DOCK10: variants seen among roughly 807,000 people sequenced by gnomAD.
The protein encoded by DOCK10 is dedicator of cytokinesis 10.
Under a neutral mutation model 280.1 loss-of-function variants are expected in DOCK10, and 145 were observed. The observed-to-expected ratio is 0.52, with a 90% CI of 0.45 to 0.59. DOCK10 has a LOEUF of 0.59. Ranked by LOEUF, DOCK10 falls within the 20% of genes least tolerant of loss-of-function variation. The pLI is 0.00. For missense variants in DOCK10, 2,368 were observed against 2,651.7 expected, an observed-to-expected ratio of 0.89 and a Z score of 2.35; for synonymous variants, 915 against 942.2, an observed-to-expected ratio of 0.97 and a Z score of 0.53.
rs142616148 is a variant in DOCK10, at chr2:224,765,679, T to C, written c.*42A>G. The C allele has an allele frequency of 4.9e-3, 6,710 of 1,362,454 alleles. 27 individuals carry two copies. Among genetic ancestry groups the C allele is most frequent in the Middle Eastern group, 7.5e-3 (41 of 5,474 alleles). The allele number at this position is 1,362,454 out of a possible 1,614,324, so 84.4% of individuals were successfully genotyped here. A position where few individuals can be genotyped will look rare whatever the true frequency, so the allele number is the denominator to read the frequency against. ...CTCTTCCCCGAGATTAGCTGCAAAT[T>C]CAGAAAGTTCTCTTAGAGGTGGGTC... On this transcript the variant is annotated 3_prime_UTR_variant, in exon 56 of 56. Coordinates refer to ENST00000258390, the MANE Select transcript of DOCK10 (RefSeq NM_014689.3).
chr2:224,904,924 C>A (rs1437356657), intron 3 of DOCK10, among the ~76,000 whole-genome samples: 4 of 152,130 alleles, frequency 2.6e-5, no homozygotes, highest in African/African-American at 7.2e-5. Context: ...AGATATATTT[C>A]TTTCAGTTAA....
chr2:224,843,538 A>T (rs531331558), intron 22 of DOCK10, among the ~76,000 whole-genome samples: 1 of 152,244 alleles, frequency 6.6e-6, no homozygotes, highest in East Asian at 1.9e-4. Context: ...AGTCAATTGG[A>T]CTTGAAGCCT....
chr2:224,942,204 T>C (rs954615126), intron 1 of DOCK10, among the ~76,000 whole-genome samples: 2 of 152,204 alleles, frequency 1.3e-5, no homozygotes, highest in Non-Finnish European at 2.9e-5. Context: ...CCCATTTCCA[T>C]TTTGGAAGCA....
chr2:224,862,147 CA>C (rs1697545659), intron 14 of DOCK10: 1 of 152,542 alleles, frequency 6.6e-6, no homozygotes, highest in Non-Finnish European at 1.5e-5. Context: ...CTTTCAGAGG[CA>C]ACTGGTACTG....
chr2:224,775,304 G>A (rs115306916), intron 51 of DOCK10, among the ~76,000 whole-genome samples, 189 bp from the exon 52 acceptor site: 32 of 152,286 alleles, frequency 2.1e-4, no homozygotes, highest in African/African-American at 7.7e-4. Flanking sequence ...CAGCTGAGCA[G>A]CCAGGTCTGT....
chr2:224,949,863 A>C (rs1703631580), intron 1 of DOCK10, among the ~76,000 whole-genome samples: 1 of 152,266 alleles, frequency 6.6e-6, no homozygotes, highest in East Asian at 1.9e-4. Flanking sequence ...CCTGGTACAT[A>C]GTATGCATAA....
chr2:224,873,761 ATAAAG>A (rs1200551034), intron 11 of DOCK10, among the ~76,000 whole-genome samples: 1 of 152,208 alleles, frequency 6.6e-6, no homozygotes, highest in African/African-American at 2.4e-5. Context: ...CAGTATATTG[ATAAAG>A]TATAGTATAT....
At chr2:225,032,051 G>A (rs1690092500) in intron 1 of DOCK10, among the ~76,000 whole-genome samples, 1 of 152,102 alleles carries the variant, frequency 6.6e-6, no homozygotes, top group South Asian at 2.1e-4. Context: ...AAGTCTTCCA[G>A]GTGCTAAAAT....
At chr2:225,016,403 T>A (rs756398970) in intron 1 of DOCK10, among the ~76,000 whole-genome samples, 2 of 151,800 alleles carry the variant, frequency 1.3e-5, no homozygotes, top group Non-Finnish European at 2.9e-5. Context: ...GATGTTCTTA[T>A]ATGAGTAAGA....
chr2:224,917,837 G>T (rs1701421619), intron 2 of DOCK10, among the ~76,000 whole-genome samples: 1 of 152,136 alleles, frequency 6.6e-6, no homozygotes, highest in Non-Finnish European at 1.5e-5. Flanking sequence ...TCCACTTCCA[G>T]CCATCTGCTT....
At chr2:224,776,662 C>A (rs1225971508) in intron 51 of DOCK10, among the ~76,000 whole-genome samples, 2 of 152,078 alleles carry the variant, frequency 1.3e-5, no homozygotes, top group Non-Finnish European at 2.9e-5. Flanking sequence ...TTCTGTAGCC[C>A]AATAGAACTG....
chr2:224,986,208 C>T (rs1263691530), intron 1 of DOCK10, among the ~76,000 whole-genome samples: 1 of 152,128 alleles, frequency 6.6e-6, no homozygotes, highest in African/African-American at 2.4e-5. Flanking sequence ...CTAACAGATG[C>T]TTGTCTTGTA....
Position 224,770,647 on chromosome 2 carries a change from T to A in DOCK10, c.6205-2A>T. The stretch of plus-strand genomic sequence containing the variant: ...ATAGGCCATTGGCCCAGCATTAACC[T>A]GTTGAGAAGAAAATTGGTGAAGGAT... On this transcript the variant is annotated splice_acceptor_variant, in intron 53 of 55. Transcript: ENST00000258390. LOFTEE classifies it high-confidence loss of function. The surrounding 1 kb of genome is among the most constrained non-coding windows in gnomAD (Gnocchi z 4.5). 6.2e-7 allele frequency: 1 copy of A among 1,610,736 alleles called. No individual in the cohort carries two copies. Among genetic ancestry groups the A allele is most frequent in the Non-Finnish European group, 8.5e-7 (1 of 1,177,044 alleles).
intron 1 of DOCK10, among the ~76,000 whole-genome samples, chr2:224,950,801 G>A (rs1703687187): frequency 6.6e-6 from 1 of 152,172 alleles, no homozygotes; most frequent in Admixed American, 6.5e-5. Flanking sequence ...AAAGTAAACT[G>A]AATTTTTGGA....
chr2:224,773,252 AC>A lies in DOCK10; in HGVS notation c.6108del (p.Met2036IlefsTer19). ...TGATTAAGCTCAGAAACCTTCTTGGACATCTCGTCAATTGCCACTTCAATTG... is the reference window on the plus strand; with the variant it reads ...TGATTAAGCTCAGAAACCTTCTTGGAATCTCGTCAATTGCCACTTCAATTG... ...LNPIEVAIDE[M>X]SKKVSELNQL... On this transcript the variant is annotated frameshift_variant, in exon 53 of 56. Coordinates refer to ENST00000258390, the MANE Select transcript of DOCK10 (RefSeq NM_014689.3). LOFTEE classifies it high-confidence loss of function. The A allele has an allele frequency of 6.2e-7, 1 of 1,613,960 alleles. No homozygotes were observed. The highest frequency in any genetic ancestry group is 1.1e-5 in the South Asian group (1 of 91,082).
chr2:224,896,008 G>T (rs1699966133), intron 4 of DOCK10, among the ~76,000 whole-genome samples: 1 of 151,976 alleles, frequency 6.6e-6, no homozygotes, highest in Non-Finnish European at 1.5e-5. Context: ...TCTTGTGCCT[G>T]CTATTGAAAA....
At chr2:224,983,185 A>T (rs972978069) in intron 1 of DOCK10, among the ~76,000 whole-genome samples, 4 of 152,180 alleles carry the variant, frequency 2.6e-5, no homozygotes, top group Non-Finnish European at 5.9e-5. Flanking sequence ...TTAACATCCT[A>T]TCAATAAGAA....
chr2:224,950,920 C>T (rs113789492), intron 1 of DOCK10, among the ~76,000 whole-genome samples: 6,070 of 152,206 alleles, frequency 0.04, 396 homozygotes, highest in African/African-American at 0.14. Context: ...GGGGAAATTA[C>T]GGAGCCATTA....
At chr2:224,854,399 AT>A (rs200355461) in intron 16 of DOCK10, among the ~76,000 whole-genome samples, 4,466 of 152,312 alleles carry the variant, frequency 0.029, 85 homozygotes, top group Non-Finnish European at 0.046. Flanking sequence ...TCTGAAAAAA[AT>A]ATATGTTCTC....
Sources: allele counts gnomAD v4.1 joint callset (sites outside exome capture counted in the v4.1 genomes callset), GRCh38; gene constraint gnomAD v4.1.1; non-coding constraint Gnocchi (gnomAD v3.1); transcripts MANE v1.5; gene names NCBI Gene and HGNC (gene_info 2026-07-23, HGNC 2026-07-21).